Variants in ZNF385D observed in about 807,000 individuals in gnomAD.
ZNF385D encodes the protein zinc finger protein 659.
In ZNF385D, 15 loss-of-function variants were observed where a neutral mutation model predicts 35.8. The observed-to-expected ratio is 0.42, with a 90% CI of 0.28 to 0.64. The LOEUF (loss-of-function observed/expected upper bound fraction) is 0.64, where lower values mean the gene tolerates loss of function less well. ZNF385D is among the 30% of genes least tolerant of loss of function. The probability of loss-of-function intolerance (pLI) is 0.23; values close to 1 mark genes in which losing one functional copy is unlikely to be tolerated. For synonymous variants in ZNF385D, 212 were observed against 186.8 expected, an observed-to-expected ratio of 1.13 and a Z score of -1.10; for missense variants, 474 against 494.6, an observed-to-expected ratio of 0.96 and a Z score of 0.39.
chr3:21,919,297 G>T (rs1700341087), intron 3 of ZNF385D, among the ~76,000 whole-genome samples: 1 of 152,112 alleles, frequency 6.6e-6, no homozygotes, highest in African/African-American at 2.4e-5. Flanking sequence ...CTGGCATCAG[G>T]GAGTTTGACA....
intron 3 of ZNF385D, among the ~76,000 whole-genome samples, chr3:22,003,113 T>C (rs536202032): frequency 5.3e-5 from 8 of 152,274 alleles, no homozygotes; most frequent in Non-Finnish European, 1.0e-4. Flanking sequence ...GGCATTCAGA[T>C]TGGAAAAGAA....
At chr3:22,169,828 T>C (rs1706568061) in intron 2 of ZNF385D, among the ~76,000 whole-genome samples, 2 of 152,296 alleles carry the variant, frequency 1.3e-5, no homozygotes, top group African/African-American at 4.8e-5. Flanking sequence ...AGGGTTTCAC[T>C]CTGTCACTTA....
At chr3:22,328,160 T>C (rs1381939063) in intron 2 of ZNF385D, among the ~76,000 whole-genome samples, 1 of 152,102 alleles carries the variant, frequency 6.6e-6, no homozygotes, top group Non-Finnish European at 1.5e-5. Flanking sequence ...CCATTTGCAC[T>C]TTTTTTCCTT....
At chr3:21,640,081 TCTTTA>T (rs751000341) in intron 2 of ZNF385D, among the ~76,000 whole-genome samples, 99 of 152,222 alleles carry the variant, frequency 6.5e-4, no homozygotes, top group Admixed American at 3.6e-3. Flanking sequence ...TTTCTTTCTT[TCTTTA>T]AAGTTTTCAC....
chr3:22,028,464 G>C (rs144551243), intron 3 of ZNF385D, among the ~76,000 whole-genome samples: 5,191 of 152,280 alleles, frequency 0.034, 118 homozygotes, highest in Non-Finnish European at 0.051. Context: ...CAGCAGCAGA[G>C]ACCAACACTG....
At chr3:22,057,569 G>C (rs1309072273) in intron 3 of ZNF385D, among the ~76,000 whole-genome samples, 2 of 151,076 alleles carry the variant, frequency 1.3e-5, no homozygotes, top group Non-Finnish European at 2.9e-5. Flanking sequence ...GAGTGCTGTG[G>C]TGTGATCTCA....
chr3:21,983,109 T>A (rs538639268), intron 3 of ZNF385D, among the ~76,000 whole-genome samples: 2 of 148,120 alleles, frequency 1.4e-5, no homozygotes, highest in South Asian at 4.6e-4. Context: ...CCTCATAGAA[T>A]GAATTGGGGA....
At chr3:21,998,619 C>T (rs1020035776) in intron 3 of ZNF385D, among the ~76,000 whole-genome samples, 4 of 152,120 alleles carry the variant, frequency 2.6e-5, no homozygotes, top group Non-Finnish European at 4.4e-5. Flanking sequence ...CTAGCCCAGC[C>T]AAGAGATTTG....
At chr3:21,678,554 C>T (rs945719416) in intron 1 of ZNF385D, among the ~76,000 whole-genome samples, 5 of 152,100 alleles carry the variant, frequency 3.3e-5, no homozygotes, top group African/African-American at 1.2e-4. Context: ...GGAGAAGGGG[C>T]TCTGATCACA....
At chr3:22,281,744 T>C (rs1701751664) in intron 2 of ZNF385D, among the ~76,000 whole-genome samples, 1 of 152,094 alleles carries the variant, frequency 6.6e-6, no homozygotes, top group African/African-American at 2.4e-5. Flanking sequence ...GTTAGGATAA[T>C]ACTGGCTTCA....
intron 3 of ZNF385D, among the ~76,000 whole-genome samples, chr3:21,891,135 A>G (rs1041614965): frequency 6.6e-6 from 1 of 152,194 alleles, no homozygotes; most frequent in South Asian, 2.1e-4. Context: ...TTTTTATGAA[A>G]ATAAAAGGAT....
rs532439427 is a variant in ZNF385D at position 22,265,384 on chromosome 3, T to G, written c.107-96349A>C. On this transcript the variant is annotated intron_variant, in intron 2 of 5. Coordinates refer to the ZNF385D transcript ENST00000494108. ...CGATCATCATGAAATTACAAAAAAT[T>G]TTTGTGAAACATTATTGGCAAATGA... is the stretch of plus-strand genomic sequence containing the variant. 9.9e-5 allele frequency among the ~76,000 whole-genome samples: 15 copies of G among 152,064 alleles called. No individual in the cohort carries two copies. The South Asian group carries it at 2.9e-3, about 29-fold the overall frequency.
At chr3:21,838,492 C>G (rs17009717) in intron 3 of ZNF385D, among the ~76,000 whole-genome samples, 4,370 of 152,080 alleles carry the variant, frequency 0.029, 173 homozygotes, top group East Asian at 0.1. Flanking sequence ...GCTATAAGAC[C>G]TTTTTGCCTA....
intron 2 of ZNF385D, among the ~76,000 whole-genome samples, chr3:22,209,147 G>A (rs1376369793): frequency 6.6e-6 from 1 of 151,850 alleles, no homozygotes; most frequent in African/African-American, 2.4e-5. Context: ...AAGGCACACT[G>A]TGAACAAAAC....
intron 1 of ZNF385D, among the ~76,000 whole-genome samples, chr3:21,724,218 C>T (rs527917704): frequency 1.3e-5 from 2 of 151,982 alleles, no homozygotes; most frequent in East Asian, 3.9e-4. Flanking sequence ...TAAAGACCAT[C>T]GACACTATGA....
intron 3 of ZNF385D, among the ~76,000 whole-genome samples, chr3:21,538,508 A>G (rs1003359577): frequency 2.0e-5 from 3 of 152,148 alleles, no homozygotes; most frequent in African/African-American, 2.4e-5. Context: ...TGTACATAAA[A>G]TAACTTCAGT....
chr3:21,542,532 A>G (rs1025022124), intron 3 of ZNF385D, among the ~76,000 whole-genome samples: 9 of 151,930 alleles, frequency 5.9e-5, no homozygotes, highest in Non-Finnish European at 1.5e-5. Context: ...AGATTTTTGG[A>G]GAGATAGTCT....
intron 2 of ZNF385D, among the ~76,000 whole-genome samples, chr3:21,608,715 C>G (rs2064573204): frequency 6.6e-6 from 1 of 152,242 alleles, no homozygotes; most frequent in African/African-American, 2.4e-5. Context: ...ATGTTTTACC[C>G]TCTAGATAAA....
intron 3 of ZNF385D, among the ~76,000 whole-genome samples, chr3:21,983,510 C>T (rs1334342309): frequency 7.1e-6 from 1 of 140,546 alleles, no homozygotes; most frequent in Non-Finnish European, 1.5e-5. Context: ...TTTTTTATGG[C>T]TGCATAGTAT....
Sources: allele counts gnomAD v4.1 joint callset (sites outside exome capture counted in the v4.1 genomes callset), GRCh38; gene constraint gnomAD v4.1.1; transcripts MANE v1.5; gene names NCBI Gene and HGNC (gene_info 2026-07-23, HGNC 2026-07-21).